Variants in RABGGTA observed in about 807,000 individuals in gnomAD.
The protein encoded by RABGGTA is geranylgeranyl transferase type-2 subunit alpha.
In RABGGTA, 69 loss-of-function variants were observed where a neutral mutation model predicts 83.3. The observed-to-expected ratio is 0.83, with a 90% CI of 0.68 to 1.01. The LOEUF (loss-of-function observed/expected upper bound fraction) is 1.01, where lower values mean the gene tolerates loss of function less well. RABGGTA is among the 50% of genes least tolerant of loss of function. The pLI, the probability that RABGGTA is intolerant of heterozygous loss-of-function variation, is 0.00. For synonymous variants in RABGGTA, 310 were observed against 299.8 expected, an observed-to-expected ratio of 1.03 and a Z score of -0.35; for missense variants, 681 against 712.7, an observed-to-expected ratio of 0.96 and a Z score of 0.51.
intron 12 of RABGGTA, 22 bp from the exon 13 acceptor site, chr14:24,267,980 G>A: frequency 1.2e-6 from 2 of 1,611,724 alleles, no homozygotes; most frequent in Non-Finnish European, 1.7e-6. Flanking sequence ...GCAGGGAAAA[G>A]GAGGGTTTCT....
Position 24,268,119 on chromosome 14 carries a change from C to T in RABGGTA, c.1138G>A (p.Glu380Lys). The part of the protein sequence containing the change: ...SCKELQELEP[E>K]NKWCLLTIIL... ...CGGAATGGGGCCTCACATTTATTCTCAGGCTCCAGCTCCTGCAGCTCCTTA... is the reference window on the plus strand; with the variant it reads ...CGGAATGGGGCCTCACATTTATTCTTAGGCTCCAGCTCCTGCAGCTCCTTA... Residue 380 changes from glutamate (E) to lysine (K), a missense_variant, in exon 12 of 17, where the codon GAG becomes AAG. This residue lies in a region of RABGGTA where 421 missense variants were observed against 418.5 expected (regional missense o/e 1.01). Coordinates refer to ENST00000216840, the MANE Select transcript of RABGGTA (RefSeq NM_182836.3). The T allele has an allele frequency of 6.2e-7, 1 of 1,613,930 alleles. No individual in the cohort carries two copies. The highest frequency in any genetic ancestry group is 8.5e-7 in the Non-Finnish European group (1 of 1,179,858).
At chr14:24,265,875 A>G (rs2040867441) in intron 16 of RABGGTA, 112 bp from the exon 17 acceptor site, 39 of 1,418,022 alleles carry the variant, frequency 2.8e-5, no homozygotes, top group Non-Finnish European at 3.5e-5. Flanking sequence ...TGGGCATCTC[A>G]TATGCTCCCT....
At chr14:24,269,795 T>C (rs565946438) in intron 5 of RABGGTA, 101 bp from the exon 6 acceptor site, 2 of 1,445,560 alleles carry the variant, frequency 1.4e-6, no homozygotes, top group Middle Eastern at 1.9e-4. Context: ...AACACCTCAG[T>C]GCACTCCACG....
rs2040901643 is a variant in RABGGTA, at chr14:24,268,460, A to G, written c.1007-40T>C. 3 of 1,594,874 alleles carry G rather than the reference A, an allele frequency of 1.9e-6. No individual in the cohort carries two copies. In the African/African-American group the frequency reaches 5.2e-5, roughly 28 times the overall value. On this transcript the variant is annotated intron_variant, in intron 10 of 16. Coordinates refer to ENST00000216840, the MANE Select transcript of RABGGTA (RefSeq NM_182836.3). ...GGTGGTTGGAGGGTGCACCCTTGAG[A>G]GGAAAAGAGTGATGGGGGCTGCTGC...
At chr14:24,270,487 T>C (rs1034304685) in intron 3 of RABGGTA, 29 bp from the exon 4 acceptor site, 1 of 1,612,620 alleles carries the variant, frequency 6.2e-7, no homozygotes, top group Non-Finnish European at 8.5e-7. Context: ...GGGTTAGAGA[T>C]CATATAATTT....
chr14:24,270,792 A>T, intron 3 of RABGGTA, 45 bp downstream of exon 3: 1 of 1,593,004 alleles, frequency 6.3e-7, no homozygotes, highest in Non-Finnish European at 8.6e-7. Context: ...TCTGCACTAT[A>T]CTAAGGGAGC....
At chr14:24,269,728 C>G (rs749002201) in intron 5 of RABGGTA, 34 bp from the exon 6 acceptor site, 25 of 1,605,502 alleles carry the variant, frequency 1.6e-5, no homozygotes, top group Non-Finnish European at 2.0e-5. Flanking sequence ...ATCTTAGAGG[C>G]AGGGCAAGAG....
chr14:24,270,007 AGTT>A lies in RABGGTA; in HGVS notation c.370_372del (p.Asn124del). 6.2e-7 allele frequency: 1 copy of A among 1,613,724 alleles called. No homozygotes were observed. The highest frequency in any genetic ancestry group is 1.3e-5 in the African/African-American group (1 of 75,038). ...GCACAGAGCTCCAGCTCTCGGGTCC[AGTT>A]GGGCTCAGGCAGGCGGCCTAGCAGC... On this transcript the variant is annotated inframe_deletion, in exon 5 of 17. Coordinates refer to ENST00000216840, the MANE Select transcript of RABGGTA (RefSeq NM_182836.3).
chr14:24,268,608 C>T lies in RABGGTA; in HGVS notation c.912G>A (p.Leu304=), dbSNP rs749223411. Residue 304 remains leucine (L), a synonymous_variant, in exon 10 of 17, where the codon CTG becomes CTA. Transcript: ENST00000216840. ...NRPSHVWLCD[L]PAASLNDQLP... ...ACTGGTCGTTGAGGGAGGCAGCAGG[C>T]AGGTCACAGAGCTGGGAGTACTGGG... 4.3e-6 allele frequency: 7 copies of T among 1,613,920 alleles called. No homozygotes were observed. In the East Asian group the frequency reaches 1.3e-4, roughly 31 times the overall value.
At position 24,270,144 on chromosome 14, in the gene RABGGTA, T is replaced by C; in HGVS notation, c.240-4A>G. 6.2e-7 allele frequency: 1 copy of C among 1,600,250 alleles called. No homozygotes were observed. The highest frequency in any genetic ancestry group is 1.1e-5 in the South Asian group (1 of 89,440). ...AGCAGCCAACTCTTCAGGAGACCTG[T>C]ACCCAGAAGGGAAGGGGGGGGTCAG... On this transcript the variant is annotated splice_polypyrimidine_tract_variant and splice_region_variant and intron_variant, in intron 4 of 16. Transcript: ENST00000216840.
At chr14:24,266,969 A>G (rs1035287073) in intron 14 of RABGGTA, 80 bp from the exon 15 acceptor site, 1 of 1,060,308 alleles carries the variant, frequency 9.4e-7, no homozygotes, top group Admixed American at 1.9e-5. Flanking sequence ...TTTATTAGGC[A>G]CATGCCCTCT....
intron 3 of RABGGTA, 36 bp from the exon 4 acceptor site, chr14:24,270,494 A>G: frequency 6.2e-7 from 1 of 1,612,068 alleles, no homozygotes; most frequent in Non-Finnish European, 8.5e-7. Flanking sequence ...AGATCATATA[A>G]TTTTCCCACT....
Position 24,268,497 on chromosome 14 carries a change from G to A in RABGGTA, c.1006+17C>T, listed in dbSNP as rs1289465672. 1 of 1,613,340 alleles carries A rather than the reference G, an allele frequency of 6.2e-7. No homozygotes were observed. Among genetic ancestry groups the A allele is most frequent in the Non-Finnish European group, 8.5e-7 (1 of 1,179,396 alleles). ...ATGGGGGCTGCTGCAAGGGGTGGAG[G>A]CTGCAGGTTCCATCACCTTTTAAAA... On this transcript the variant is annotated intron_variant, in intron 10 of 16. Coordinates refer to ENST00000216840, the MANE Select transcript of RABGGTA (RefSeq NM_182836.3).
intron 1 of RABGGTA, 102 bp downstream of exon 1, chr14:24,271,385 C>T (rs546137262): frequency 2.7e-6 from 1 of 372,552 alleles, no homozygotes; most frequent in African/African-American, 2.1e-5. Flanking sequence ...GAGCGCGAGC[C>T]GGGGCACCTG....
rs567781706 is a variant in RABGGTA, at chr14:24,270,457, C to T, written c.116G>A (p.Arg39His). 1.4e-5 allele frequency: 23 copies of T among 1,614,044 alleles called. No individual in the cohort carries two copies. The highest frequency in any genetic ancestry group is 3.3e-5 in the Admixed American group (2 of 60,026). ...QSATQAVFQK[R>H]QAGELDESVL... Reference sequence around the variant, plus strand: ...GGACTCATCCAGCTCACCAGCCTGGCGCTAAGAAGATAGGTGGCAGGGTTA... The same window carrying T: ...GGACTCATCCAGCTCACCAGCCTGGTGCTAAGAAGATAGGTGGCAGGGTTA... The change falls in exon 4 of 17, where the codon CGC (arginine) becomes CAC (histidine). Residue 39 changes from arginine to histidine, a missense_variant and splice_region_variant. Transcript: ENST00000216840.
chr14:24,265,557 T>C lies in RABGGTA; in HGVS notation c.*58A>G, dbSNP rs2040863136. 5 of 1,571,796 alleles carry C rather than the reference T, an allele frequency of 3.2e-6. No homozygotes were observed. The highest frequency in any genetic ancestry group is 1.8e-4 in the Middle Eastern group (1 of 5,440). ...AACAGCTTGGTAGCCTGAGAGGGCC[T>C]CTCCATTCTTTATTCAGTCCCAATA... On this transcript the variant is annotated 3_prime_UTR_variant, in exon 17 of 17. Coordinates refer to ENST00000216840, the MANE Select transcript of RABGGTA (RefSeq NM_182836.3).
chr14:24,270,275 C>A, intron 4 of RABGGTA, 59 bp downstream of exon 4: 1 of 1,599,952 alleles, frequency 6.3e-7, no homozygotes, highest in Admixed American at 1.7e-5. Flanking sequence ...CACCCCTAGA[C>A]CCAGGCAGTG....
chr14:24,270,758 G>C, intron 3 of RABGGTA, 79 bp downstream of exon 3: 1 of 1,537,728 alleles, frequency 6.5e-7, no homozygotes. Context: ...TAGGCAGTCT[G>C]ACTCTAGGGA....
Position 24,268,122 on chromosome 14 carries a change from G to C in RABGGTA, c.1135C>G (p.Pro379Ala). 1 of 1,611,824 alleles carries C rather than the reference G, an allele frequency of 6.2e-7. No homozygotes were observed. Among genetic ancestry groups the C allele is most frequent in the South Asian group, 1.1e-5 (1 of 91,058 alleles). Residue 379 changes from proline to alanine, a missense_variant, in exon 12 of 17, where the codon CCT (proline) becomes GCT (alanine). Transcript: ENST00000216840. ...ESCKELQELE[P>A]ENKWCLLTII... ...AATGGGGCCTCACATTTATTCTCAG[G>C]CTCCAGCTCCTGCAGCTCCTTACAG...
Sources: allele counts gnomAD v4.1 joint callset, GRCh38; gene constraint gnomAD v4.1.1; regional missense constraint gnomAD v4.1.1; transcripts MANE v1.5; gene names NCBI Gene and HGNC (gene_info 2026-07-23, HGNC 2026-07-21).